HBS1L: variants seen among roughly 807,000 people sequenced by gnomAD.
HBS1L encodes HBS1-like protein.
HBS1L carries 55 observed loss-of-function variants against 88.9 expected under a neutral mutation model. The ratio of observed to expected loss-of-function variants is 0.62; its 90% CI spans 0.50 to 0.77. HBS1L has a LOEUF of 0.77. Ranked by LOEUF, HBS1L falls within the 30% of genes least tolerant of loss-of-function variation. The pLI, the probability that HBS1L is intolerant of heterozygous loss-of-function variation, is 0.00. For missense variants in HBS1L, 741 were observed against 829.3 expected, an observed-to-expected ratio of 0.89 and a Z score of 1.31; for synonymous variants, 267 against 288.5, an observed-to-expected ratio of 0.93 and a Z score of 0.76.
chr6:135,044,466 T>C (rs754823792), intron 2 of HBS1L, among the ~76,000 whole-genome samples: 2 of 152,194 alleles, frequency 1.3e-5, no homozygotes, highest in Non-Finnish European at 2.9e-5. Flanking sequence ...AAGGTCAGCA[T>C]GGCTAAATAG....
intron 8 of HBS1L, among the ~76,000 whole-genome samples, chr6:134,989,092 C>T (rs796182029): frequency 2.6e-5 from 4 of 152,282 alleles, no homozygotes; most frequent in African/African-American, 9.6e-5. Flanking sequence ...CTTATTGAAA[C>T]TAACTTTACA....
At chr6:135,004,569 C>A (rs901675813) in intron 4 of HBS1L, among the ~76,000 whole-genome samples, 4 of 151,952 alleles carry the variant, frequency 2.6e-5, no homozygotes, top group Non-Finnish European at 5.9e-5. Flanking sequence ...CAGTGCAGGA[C>A]CTTTAGGTCA....
At chr6:135,037,475 T>C (rs1176195241) in intron 4 of HBS1L, 6 of 1,549,154 alleles carry the variant, frequency 3.9e-6, no homozygotes, top group Non-Finnish European at 5.2e-6. Flanking sequence ...TCCAACGAGC[T>C]AGTTAAGTAC....
At chr6:135,033,219 G>A (rs1776438980) in intron 4 of HBS1L, among the ~76,000 whole-genome samples, 1 of 152,078 alleles carries the variant, frequency 6.6e-6, no homozygotes, top group South Asian at 2.1e-4. Flanking sequence ...AATAAAAACA[G>A]CTTTGCATCT....
At chr6:135,013,582 T>C (rs751628409) in intron 4 of HBS1L, among the ~76,000 whole-genome samples, 4 of 152,158 alleles carry the variant, frequency 2.6e-5, no homozygotes, top group Non-Finnish European at 4.4e-5. Flanking sequence ...AAACTTACTC[T>C]GACCCCAGAA....
At chr6:135,046,033 A>G (rs1209930482) in intron 2 of HBS1L, among the ~76,000 whole-genome samples, 2 of 152,208 alleles carry the variant, frequency 1.3e-5, no homozygotes, top group Non-Finnish European at 2.9e-5. Flanking sequence ...CAAAATTAGA[A>G]ACTGTCTTTC....
rs1774159410 is a variant in HBS1L, at chr6:134,960,393, C to T, written c.*4886G>A. 6.6e-6 allele frequency: 1 copy of T among 152,096 alleles called. No homozygotes were observed. The highest frequency in any genetic ancestry group is 1.5e-5 in the Non-Finnish European group (1 of 67,990). 9.4% of individuals were successfully genotyped at this position (152,096 alleles called of 1,614,324 possible). ...TTTACATATATTTTTTTCTGCTTTGCTATTTAAGTCCTCTATGACCTTGTT... is the reference window on the plus strand; with the variant it reads ...TTTACATATATTTTTTTCTGCTTTGTTATTTAAGTCCTCTATGACCTTGTT... On this transcript the variant is annotated 3_prime_UTR_variant, in exon 18 of 18. Transcript: ENST00000367837.
At chr6:135,037,837 C>T (rs527640997) in intron 4 of HBS1L, 9 of 1,545,286 alleles carry the variant, frequency 5.8e-6, no homozygotes, top group Middle Eastern at 3.4e-4. Flanking sequence ...TTCACTTTTA[C>T]GTGTGTCAAG....
At chr6:134,980,333 T>C (rs568132869) in intron 13 of HBS1L, among the ~76,000 whole-genome samples, 1 of 152,112 alleles carries the variant, frequency 6.6e-6, no homozygotes, top group African/African-American at 2.4e-5. Context: ...ACATCTGCAT[T>C]AATCTGAGAA....
chr6:135,035,614 G>A (rs1776514064), intron 4 of HBS1L, among the ~76,000 whole-genome samples: 1 of 151,480 alleles, frequency 6.6e-6, no homozygotes, highest in Non-Finnish European at 1.5e-5. Flanking sequence ...AGCCGGGTGT[G>A]GTGGTGGGCA....
chr6:134,971,304 A>G (rs1774480294), intron 15 of HBS1L, among the ~76,000 whole-genome samples: 1 of 152,216 alleles, frequency 6.6e-6, no homozygotes, highest in African/African-American at 2.4e-5. Flanking sequence ...TTCAGGTCTT[A>G]ACCAGTACCA....
At chr6:135,011,425 T>C (rs1180823246) in intron 4 of HBS1L, among the ~76,000 whole-genome samples, 2 of 152,130 alleles carry the variant, frequency 1.3e-5, no homozygotes, top group African/African-American at 4.8e-5. Context: ...GAGGTTGAGA[T>C]GGGAGGATCA....
At chr6:135,010,609 C>G (rs2114833883) in intron 4 of HBS1L, among the ~76,000 whole-genome samples, 1 of 152,176 alleles carries the variant, frequency 6.6e-6, no homozygotes, top group East Asian at 1.9e-4. Context: ...CACAAAGTAC[C>G]TTACCTTGGC....
chr6:135,051,311 T>C (rs1247752724), intron 1 of HBS1L, among the ~76,000 whole-genome samples: 2 of 152,212 alleles, frequency 1.3e-5, no homozygotes, highest in Admixed American at 6.5e-5. Context: ...TTTTTCACCA[T>C]GTGCCCTCTA....
chr6:134,982,424 G>A, intron 13 of HBS1L, 34 bp downstream of exon 13: 1 of 1,334,076 alleles, frequency 7.5e-7, no homozygotes, highest in Non-Finnish European at 1.1e-6. Flanking sequence ...TCAACTTAAG[G>A]CTTGTTTAGC....
At chr6:135,033,143 T>C (rs1166947070) in intron 4 of HBS1L, among the ~76,000 whole-genome samples, 1 of 152,196 alleles carries the variant, frequency 6.6e-6, no homozygotes, top group Non-Finnish European at 1.5e-5. Context: ...TTATATCATT[T>C]AGAATATAAT....
At chr6:135,039,864 A>G (rs1776675282) in intron 3 of HBS1L, 97 bp from the exon 4 acceptor site, 1 of 1,002,784 alleles carries the variant, frequency 1.0e-6, no homozygotes, top group Non-Finnish European at 1.4e-6. Context: ...GCTGTACTAG[A>G]ATATTCAACT....
At chr6:135,015,572 C>A (rs1775895896) in intron 4 of HBS1L, among the ~76,000 whole-genome samples, 1 of 152,006 alleles carries the variant, frequency 6.6e-6, no homozygotes, top group Non-Finnish European at 1.5e-5. Context: ...AATATACACA[C>A]ACATACTGAT....
chr6:135,030,486 A>T (rs193119437), intron 4 of HBS1L, among the ~76,000 whole-genome samples: 53 of 152,316 alleles, frequency 3.5e-4, no homozygotes, highest in Non-Finnish European at 6.6e-4. Context: ...AACAGGTACA[A>T]AACAGAAATG....
Sources: gnomAD v4.1 joint callset for allele counts (sites outside exome capture counted in the v4.1 genomes callset) on GRCh38, gnomAD v4.1.1 for gene constraint, MANE v1.5 for transcripts, NCBI Gene and HGNC (gene_info 2026-07-23, HGNC 2026-07-21) for gene names.